STXBP5L: variants seen among roughly 807,000 people sequenced by gnomAD.
The protein encoded by STXBP5L is syntaxin-binding protein 5-like.
Under a neutral mutation model 144.5 loss-of-function variants are expected in STXBP5L, and 65 were observed. That is an observed-to-expected ratio of 0.45 (90% CI 0.37 to 0.55). The LOEUF is 0.55. Ranked by LOEUF, STXBP5L falls within the 20% of genes least tolerant of loss-of-function variation. STXBP5L has a pLI of 0.00. For missense variants in STXBP5L, 1,298 were observed against 1,405.5 expected, an observed-to-expected ratio of 0.92 and a Z score of 1.22; for synonymous variants, 505 against 469.6, an observed-to-expected ratio of 1.08 and a Z score of -0.97.
intron 5 of STXBP5L, among the ~76,000 whole-genome samples, chr3:121,070,176 A>G (rs539319935): frequency 2.6e-5 from 4 of 152,354 alleles, no homozygotes; most frequent in Admixed American, 1.3e-4. Flanking sequence ...GGCTTTTCCT[A>G]CTTTTAAACT....
intron 12 of STXBP5L, among the ~76,000 whole-genome samples, chr3:121,235,931 CTG>C (rs991403797): frequency 6.6e-6 from 1 of 151,712 alleles, no homozygotes; most frequent in African/African-American, 2.4e-5. Context: ...TGGCAAAAAA[CTG>C]TTTTGTAACA....
intron 3 of STXBP5L, among the ~76,000 whole-genome samples, chr3:121,029,380 A>G (rs935261699): frequency 1.3e-5 from 2 of 152,118 alleles, no homozygotes; most frequent in African/African-American, 2.4e-5. Flanking sequence ...AACACCACAC[A>G]TCTACAACCA....
intron 3 of STXBP5L, among the ~76,000 whole-genome samples, chr3:121,033,285 A>G (rs1174037866): frequency 8.0e-6 from 1 of 124,830 alleles, no homozygotes; most frequent in Admixed American, 8.7e-5. Flanking sequence ...CATGGATGAA[A>G]TTGGAAACCA....
At chr3:121,062,629 C>T (rs1002449510) in intron 5 of STXBP5L, among the ~76,000 whole-genome samples, 2 of 152,256 alleles carry the variant, frequency 1.3e-5, no homozygotes, top group Non-Finnish European at 2.9e-5. Context: ...TTCTCCCCAT[C>T]ACTTTCAGGT....
chr3:121,158,016 T>C (rs2046182243), intron 9 of STXBP5L: 2 of 155,138 alleles, frequency 1.3e-5, no homozygotes, highest in Admixed American at 6.5e-5. Context: ...TTATAGTCTG[T>C]TGTTTTCTAG....
chr3:121,209,165 C>A (rs1282801023), intron 10 of STXBP5L, among the ~76,000 whole-genome samples: 1 of 152,156 alleles, frequency 6.6e-6, no homozygotes, highest in Non-Finnish European at 1.5e-5. Flanking sequence ...GTTATCCAAT[C>A]TATCATTGAT....
At chr3:121,031,719 G>A (rs1031245565) in intron 3 of STXBP5L, among the ~76,000 whole-genome samples, 43 of 152,084 alleles carry the variant, frequency 2.8e-4, no homozygotes, top group African/African-American at 9.7e-4. Context: ...CAAAAACTGG[G>A]TACCTAAGTG....
At chr3:121,153,755 A>G (rs1317081126) in intron 8 of STXBP5L, among the ~76,000 whole-genome samples, 1 of 152,012 alleles carries the variant, frequency 6.6e-6, no homozygotes, top group African/African-American at 2.4e-5. Context: ...GCAGCTGGGT[A>G]ATTTTTTCAC....
At chr3:121,250,679 T>C (rs192643965) in intron 14 of STXBP5L, 44 bp from the exon 15 acceptor site, 3 of 1,497,126 alleles carry the variant, frequency 2.0e-6, no homozygotes, top group Non-Finnish European at 2.8e-6. Context: ...ATTATGATTT[T>C]TATTTAGTAT....
chr3:121,362,310 G>A (rs2045734816), intron 20 of STXBP5L, among the ~76,000 whole-genome samples: 1 of 152,196 alleles, frequency 6.6e-6, no homozygotes, highest in Admixed American at 6.5e-5. Flanking sequence ...GTTCACTCAA[G>A]GTCCTGGGGC....
intron 7 of STXBP5L, among the ~76,000 whole-genome samples, chr3:121,151,113 A>C (rs577301045): frequency 6.6e-6 from 1 of 152,152 alleles, no homozygotes; most frequent in Non-Finnish European, 1.5e-5. Flanking sequence ...AAGAAAGAAA[A>C]GAAATTGGTT....
At chr3:120,980,478 GT>G in intron 3 of STXBP5L, among the ~76,000 whole-genome samples, 1 of 145,414 alleles carries the variant, frequency 6.9e-6, no homozygotes, top group Middle Eastern at 3.5e-3. Flanking sequence ...TTTTTTAACT[GT>G]TGTTGATTTA....
In STXBP5L at chr3:120,993,353, G is replaced by A. The variant is rs182034582; in HGVS notation, c.287+38316G>A. Among the ~76,000 whole-genome samples the A allele has an allele frequency of 3.7e-4, 56 of 152,102 alleles. No individual in the cohort carries two copies. The East Asian group carries it at 0.011, about 29-fold the overall frequency. On this transcript the variant is annotated intron_variant, in intron 3 of 26. Transcript: ENST00000471454. ...GTCTATTTTTGTTTTTGTTGCGTAT[G>A]CTTTTACAGTCTTTCTTAATAAATC...
At chr3:121,024,230 A>C (rs749603516) in intron 3 of STXBP5L, among the ~76,000 whole-genome samples, 12 of 152,162 alleles carry the variant, frequency 7.9e-5, no homozygotes, top group Non-Finnish European at 1.3e-4. Flanking sequence ...ACAATAAGAA[A>C]ACAACCTAAT....
intron 20 of STXBP5L, among the ~76,000 whole-genome samples, chr3:121,331,512 G>A (rs147813352): frequency 2.0e-5 from 3 of 152,302 alleles, no homozygotes; most frequent in African/African-American, 7.2e-5. Context: ...ATGAAAAGAG[G>A]TGCCTGTCTA....
chr3:121,285,500 A>G (rs1157261212), intron 19 of STXBP5L, among the ~76,000 whole-genome samples: 2 of 152,044 alleles, frequency 1.3e-5, no homozygotes, highest in Non-Finnish European at 2.9e-5. Flanking sequence ...TGACTCTTTT[A>G]CTGGTCACCT....
chr3:121,144,334 G>A (rs1368935679), intron 7 of STXBP5L, among the ~76,000 whole-genome samples: 2 of 151,642 alleles, frequency 1.3e-5, no homozygotes, highest in Non-Finnish European at 3.0e-5. Context: ...AAGTCCTAAG[G>A]TAACCACACA....
intron 10 of STXBP5L, among the ~76,000 whole-genome samples, chr3:121,216,657 G>A (rs894938618): frequency 6.6e-6 from 1 of 152,190 alleles, no homozygotes; most frequent in African/African-American, 2.4e-5. Context: ...AGGAGGCATG[G>A]GTGTCAAGGG....
chr3:121,107,138 T>C (rs1267053719), intron 5 of STXBP5L, among the ~76,000 whole-genome samples: 1 of 152,116 alleles, frequency 6.6e-6, no homozygotes, highest in Non-Finnish European at 1.5e-5. Context: ...AGATTCTGGA[T>C]GTTAGACCTT....
Sources: gnomAD v4.1 joint callset for allele counts (sites outside exome capture counted in the v4.1 genomes callset) on GRCh38, gnomAD v4.1.1 for gene constraint, MANE v1.5 for transcripts, NCBI Gene and HGNC (gene_info 2026-07-23, HGNC 2026-07-21) for gene names.